The following INPP4B variants were observed in gnomAD, a reference collection of about 807,000 sequenced individuals.
INPP4B encodes inositol polyphosphate 4-phosphatase type II.
In INPP4B, 55 loss-of-function variants were observed where a neutral mutation model predicts 122.5. That is an observed-to-expected ratio of 0.45 (90% CI 0.36 to 0.56). The LOEUF is 0.56. Among genes scored for constraint, INPP4B ranks in the 20% least tolerant of loss-of-function variants. INPP4B has a pLI of 0.00. For missense variants in INPP4B, 1,000 were observed against 1,097.7 expected (o/e 0.91, Z 1.26); for synonymous variants, 403 against 388.7 (o/e 1.04, Z -0.43).
At chr4:142,248,519 A>C (rs1730192074) in intron 11 of INPP4B, among the ~76,000 whole-genome samples, 1 of 151,684 alleles carries the variant, frequency 6.6e-6, no homozygotes, top group African/African-American at 2.4e-5. Context: ...TTGTATTTTT[A>C]GTAGAGACGG....
intron 5 of INPP4B, among the ~76,000 whole-genome samples, chr4:142,425,568 T>C (rs1434845035): frequency 6.6e-6 from 1 of 151,962 alleles, no homozygotes; most frequent in East Asian, 1.9e-4. Flanking sequence ...GTATAGCTTG[T>C]CCCCTCCTAC....
intron 3 of INPP4B, among the ~76,000 whole-genome samples, chr4:142,453,584 GAGA>G (rs1157845011): frequency 6.6e-6 from 1 of 152,066 alleles, no homozygotes; most frequent in Non-Finnish European, 1.5e-5. Flanking sequence ...TAGCTCTCCA[GAGA>G]AGTTCATAGA....
At chr4:142,201,112 T>G (rs557050796) in intron 14 of INPP4B, among the ~76,000 whole-genome samples, 1 of 152,180 alleles carries the variant, frequency 6.6e-6, no homozygotes, top group South Asian at 2.1e-4. Context: ...TTCAAAAAAC[T>G]TGTTTTAAGT....
At chr4:142,514,801 T>TC (rs1162799371) in intron 2 of INPP4B, among the ~76,000 whole-genome samples, 3 of 131,710 alleles carry the variant, frequency 2.3e-5, no homozygotes, top group Non-Finnish European at 5.0e-5. Context: ...TCTTTTTTTT[T>TC]TTTTTTTTTT....
At chr4:142,619,231 T>C (rs1224341079) in intron 2 of INPP4B, among the ~76,000 whole-genome samples, 2 of 151,990 alleles carry the variant, frequency 1.3e-5, no homozygotes, top group Non-Finnish European at 2.9e-5. Context: ...GTAATCCTGA[T>C]ACTGGATATT....
intron 1 of INPP4B, among the ~76,000 whole-genome samples, chr4:142,779,046 G>A (rs1032794724): frequency 1.3e-5 from 2 of 151,904 alleles, no homozygotes; most frequent in African/African-American, 4.8e-5. Context: ...TTATGTAAAT[G>A]GAAAAGGTAA....
intron 1 of INPP4B, among the ~76,000 whole-genome samples, chr4:142,824,895 G>A (rs559925995): frequency 1.5e-4 from 23 of 151,734 alleles, no homozygotes; most frequent in Non-Finnish European, 3.1e-4. Context: ...TTTGTCTTTG[G>A]GTTTGCAAAT....
At chr4:142,435,934 G>C in intron 3 of INPP4B, among the ~76,000 whole-genome samples, 1 of 151,960 alleles carries the variant, frequency 6.6e-6, no homozygotes, top group East Asian at 1.9e-4. Flanking sequence ...GTTGTTTGCT[G>C]TCTAAACCTT....
At chr4:142,569,502 A>T (rs1028755687) in intron 2 of INPP4B, among the ~76,000 whole-genome samples, 1 of 152,098 alleles carries the variant, frequency 6.6e-6, no homozygotes, top group African/African-American at 2.4e-5. Flanking sequence ...TGTTATCATG[A>T]CTACTTTACA....
At chr4:142,517,104 T>C (rs773753367) in intron 2 of INPP4B, among the ~76,000 whole-genome samples, 6 of 151,920 alleles carry the variant, frequency 3.9e-5, no homozygotes, top group Admixed American at 2.0e-4. Context: ...ACCTTCACAA[T>C]TCCCACCTTC....
chr4:142,641,426 C>G (rs574788303), intron 2 of INPP4B, among the ~76,000 whole-genome samples: 2 of 147,560 alleles, frequency 1.4e-5, no homozygotes, highest in African/African-American at 2.5e-5. Flanking sequence ...CCCCTCCCCC[C>G]ACCCCACAAC....
intron 18 of INPP4B, among the ~76,000 whole-genome samples, chr4:142,133,898 C>G (rs1802598022): frequency 6.6e-6 from 1 of 152,214 alleles, no homozygotes. Context: ...ATCGCCTACT[C>G]CACTAAACTG....
At chr4:142,226,069 T>C (rs1851425641) in intron 12 of INPP4B, among the ~76,000 whole-genome samples, 2 of 152,166 alleles carry the variant, frequency 1.3e-5, no homozygotes, top group Non-Finnish European at 2.9e-5. Flanking sequence ...TAGTACAAAA[T>C]TTGAAGAAAA....
chr4:142,391,072 T>A (rs1007053742), intron 7 of INPP4B, among the ~76,000 whole-genome samples: 4 of 152,298 alleles, frequency 2.6e-5, no homozygotes, highest in Admixed American at 2.0e-4. Flanking sequence ...ACAAAAATTA[T>A]TTATTTGAAT....
chr4:142,156,934 A>C (rs2152891719), intron 17 of INPP4B, among the ~76,000 whole-genome samples: 1 of 152,284 alleles, frequency 6.6e-6, no homozygotes, highest in South Asian at 2.1e-4. Context: ...TCAGAAATTA[A>C]GTAAAACAAA....
intron 2 of INPP4B, among the ~76,000 whole-genome samples, chr4:142,570,175 T>A (rs1439535991): frequency 6.6e-6 from 1 of 152,118 alleles, no homozygotes; most frequent in Non-Finnish European, 1.5e-5. Context: ...CTTTATGTAT[T>A]TCATTTCACA....
chr4:142,702,617 C>T (rs943109333), intron 2 of INPP4B, among the ~76,000 whole-genome samples: 1 of 150,904 alleles, frequency 6.6e-6, no homozygotes, highest in Non-Finnish European at 1.5e-5. Context: ...GTAATCCCAG[C>T]TACTCGGGAG....
At chr4:142,643,173 G>T (rs1370673035) in intron 2 of INPP4B, among the ~76,000 whole-genome samples, 4 of 152,122 alleles carry the variant, frequency 2.6e-5, no homozygotes. Flanking sequence ...TTTGGGCTGA[G>T]ATGATGGGGT....
At chr4:142,242,268 C>T (rs1859799289) in intron 11 of INPP4B, among the ~76,000 whole-genome samples, 1 of 152,094 alleles carries the variant, frequency 6.6e-6, no homozygotes, top group Non-Finnish European at 1.5e-5. Flanking sequence ...CTTAGCATGG[C>T]TTCAGAAAAG....
Sources: gnomAD v4.1 joint callset for allele counts (sites outside exome capture counted in the v4.1 genomes callset) on GRCh38, gnomAD v4.1.1 for gene constraint, MANE v1.5 for transcripts, NCBI Gene and HGNC (gene_info 2026-07-23, HGNC 2026-07-21) for gene names.